PAPPA2: variants seen among roughly 807,000 people sequenced by gnomAD.
The protein encoded by PAPPA2 is pappalysin 2.
PAPPA2 carries 86 observed loss-of-function variants against 176.4 expected under a neutral mutation model. The ratio of observed to expected loss-of-function variants is 0.49; its 90% CI spans 0.41 to 0.58. PAPPA2 has a LOEUF of 0.58. Ranked by LOEUF, PAPPA2 falls within the 20% of genes least tolerant of loss-of-function variation. The pLI is 0.00. For missense variants in PAPPA2, 2,073 were observed against 2,256.9 expected (o/e 0.92, Z 1.65); for synonymous variants, 809 against 852.2 (o/e 0.95, Z 0.88).
intron 12 of PAPPA2, among the ~76,000 whole-genome samples, chr1:176,722,419 C>CTTTTTTTTTTTTTTT (rs34221424): frequency 1.6e-5 from 2 of 124,018 alleles, no homozygotes; most frequent in African/African-American, 3.1e-5. Context: ...TATACATTTC[C>CTTTTTTTTTTTTTTT]TTTTTTTTTT....
At chr1:176,787,834 G>A (rs1179714170) in intron 17 of PAPPA2, among the ~76,000 whole-genome samples, 1 of 152,088 alleles carries the variant, frequency 6.6e-6, no homozygotes, top group African/African-American at 2.4e-5. Context: ...GCTGAGGCGG[G>A]TGGATCACCT....
At chr1:176,741,898 G>A (rs574082642) in intron 14 of PAPPA2, among the ~76,000 whole-genome samples, 22 of 152,080 alleles carry the variant, frequency 1.4e-4, no homozygotes, top group African/African-American at 5.1e-4. Context: ...TCTACCTCTG[G>A]CCTTAAGCCA....
intron 4 of PAPPA2, 62 bp from the exon 5 acceptor site, chr1:176,690,075 A>G (rs1048504117): frequency 1.1e-5 from 16 of 1,394,844 alleles, no homozygotes; most frequent in African/African-American, 1.4e-5. Flanking sequence ...AGAAAACATA[A>G]TTAAGGATTG....
rs1665177790 is a variant in PAPPA2, at chr1:176,791,497, G to A, written c.5020+15G>A. Reference sequence around the variant, plus strand: ...ATATGGGATTGGTAAGGATAGGAGTGAATCTTAAAGTCAATTTCTATGTCA... The same window carrying A: ...ATATGGGATTGGTAAGGATAGGAGTAAATCTTAAAGTCAATTTCTATGTCA... On this transcript the variant is annotated intron_variant, in intron 19 of 22. Transcript: ENST00000367662. 1 of 1,599,018 alleles carries A rather than the reference G, an allele frequency of 6.3e-7. No homozygotes were observed. The highest frequency in any genetic ancestry group is 1.3e-5 in the African/African-American group (1 of 74,234).
At position 176,742,123 on chromosome 1, in the gene PAPPA2, T is replaced by C. The variant is rs140018984; in HGVS notation, c.4151+1927T>C. ...CTGCAAAAGCAGCTGTCACATTGGGTGATAACTATTTATTTACTTGTTGTT... is the reference window on the plus strand; with the variant it reads ...CTGCAAAAGCAGCTGTCACATTGGGCGATAACTATTTATTTACTTGTTGTT... On this transcript the variant is annotated intron_variant, in intron 14 of 22. Coordinates refer to ENST00000367662, the MANE Select transcript of PAPPA2 (RefSeq NM_020318.3). 1.7e-3 allele frequency among the ~76,000 whole-genome samples: 257 copies of C among 152,308 alleles called. 2 individuals are homozygous for C. The highest frequency in any genetic ancestry group is 6.0e-3 in the African/African-American group (248 of 41,574).
At chr1:176,496,214 G>A (rs377445347) in intron 1 of PAPPA2, among the ~76,000 whole-genome samples, 2 of 152,160 alleles carry the variant, frequency 1.3e-5, no homozygotes, top group Middle Eastern at 3.4e-3. Flanking sequence ...TTAGCATTAG[G>A]TATATCTCCA....
At position 176,505,201 on chromosome 1, in the gene PAPPA2, C is replaced by T. The variant is rs141735170; in HGVS notation, c.-917+41783C>T. Among the ~76,000 whole-genome samples, 108 of 152,202 alleles carry T rather than the reference C, an allele frequency of 7.1e-4. No individual in the cohort carries two copies. The Middle Eastern group carries it at 0.01, about 14-fold the overall frequency. ...ACCCAATACTCATTGACATCTGTAG[C>T]ATTTTCATTCTATTTAATCAATTCT... On this transcript the variant is annotated intron_variant, in intron 1 of 22. Coordinates refer to ENST00000367662, the MANE Select transcript of PAPPA2 (RefSeq NM_020318.3).
At chr1:176,733,612 G>C (rs1428062302) in intron 12 of PAPPA2, among the ~76,000 whole-genome samples, 1 of 152,088 alleles carries the variant, frequency 6.6e-6, no homozygotes. Context: ...ATCCACGATA[G>C]AATCCTACCC....
chr1:176,664,137 A>G (rs993577947), intron 3 of PAPPA2, among the ~76,000 whole-genome samples: 1 of 152,186 alleles, frequency 6.6e-6, no homozygotes, highest in Non-Finnish European at 1.5e-5. Flanking sequence ...TTGAAGTGAA[A>G]AGAGATGTAT....
chr1:176,468,441 C>A (rs901539004), intron 1 of PAPPA2, among the ~76,000 whole-genome samples: 2 of 152,162 alleles, frequency 1.3e-5, no homozygotes, highest in African/African-American at 4.8e-5. Context: ...ATTGCCAACT[C>A]TTTATGGATA....
intron 1 of PAPPA2, among the ~76,000 whole-genome samples, chr1:176,505,004 C>A (rs897850206): frequency 6.6e-6 from 1 of 152,008 alleles, no homozygotes; most frequent in East Asian, 1.9e-4. Flanking sequence ...ATGATCTAGC[C>A]CATCCTACCT....
chr1:176,618,816 T>C (rs190795347), intron 3 of PAPPA2, among the ~76,000 whole-genome samples: 149 of 152,272 alleles, frequency 9.8e-4, no homozygotes, highest in African/African-American at 3.5e-3. Flanking sequence ...AATAGTAAAA[T>C]ACAACTTCCC....
At chr1:176,718,394 G>GAT (rs1248252865) in intron 12 of PAPPA2, among the ~76,000 whole-genome samples, 1 of 151,880 alleles carries the variant, frequency 6.6e-6, no homozygotes, top group Non-Finnish European at 1.5e-5. Flanking sequence ...ACCAACTGAA[G>GAT]ATATATATGA....
intron 1 of PAPPA2, among the ~76,000 whole-genome samples, chr1:176,496,938 A>G (rs146493839): frequency 3.5e-4 from 53 of 152,252 alleles, no homozygotes; most frequent in African/African-American, 1.3e-3. Flanking sequence ...TTTATACTAA[A>G]CATCCCAAAG....
intron 12 of PAPPA2, among the ~76,000 whole-genome samples, chr1:176,731,728 TGTACATATACATGC>T (rs1346774068): frequency 3.7e-4 from 55 of 150,064 alleles, no homozygotes; most frequent in African/African-American, 1.3e-3. Context: ...CACATATATG[TGTACATATACATGC>T]GTACATATAT....
chr1:176,768,543 C>T lies in PAPPA2; in HGVS notation c.4324-1064C>T, dbSNP rs999711936. On this transcript the variant is annotated intron_variant, in intron 15 of 22. Transcript: ENST00000367662. Reference sequence around the variant, plus strand: ...ATAACAAACCAAAATGTAGCTCTAACATTTCCTTCTTTACTTTCTTTTCTG... The same window carrying T: ...ATAACAAACCAAAATGTAGCTCTAATATTTCCTTCTTTACTTTCTTTTCTG... Among the ~76,000 whole-genome samples, 4 of 152,286 alleles carry T rather than the reference C, an allele frequency of 2.6e-5. No individual in the cohort carries two copies. In the South Asian group the frequency reaches 8.3e-4, roughly 32 times the overall value.
At chr1:176,667,017 G>A (rs537475451) in intron 3 of PAPPA2, among the ~76,000 whole-genome samples, 1 of 152,164 alleles carries the variant, frequency 6.6e-6, no homozygotes, top group African/African-American at 2.4e-5. Context: ...AGGCCGAGGC[G>A]GGCAGATCAT....
intron 16 of PAPPA2, among the ~76,000 whole-genome samples, chr1:176,770,167 C>T (rs369683735): frequency 5.3e-5 from 8 of 152,262 alleles, no homozygotes; most frequent in Admixed American, 2.0e-4. Context: ...TTGTCCCTGG[C>T]TTTAGTGCTG....
intron 10 of PAPPA2, among the ~76,000 whole-genome samples, chr1:176,709,222 T>C (rs993673717): frequency 9.2e-5 from 14 of 152,138 alleles, no homozygotes; most frequent in Non-Finnish European, 2.9e-5. Context: ...TCTGTCTTAG[T>C]TTGAGGCAGT....
Sources: gnomAD v4.1 joint callset for allele counts (sites outside exome capture counted in the v4.1 genomes callset) on GRCh38, gnomAD v4.1.1 for gene constraint, MANE v1.5 for transcripts, NCBI Gene and HGNC (gene_info 2026-07-23, HGNC 2026-07-21) for gene names.